The following PXDNL variants were observed in gnomAD, a reference collection of about 807,000 sequenced individuals.
The protein encoded by PXDNL is peroxidasin like, also known as probable oxidoreductase PXDNL.
PXDNL carries 145 observed loss-of-function variants against 150.8 expected under a neutral mutation model. The ratio of observed to expected loss-of-function variants is 0.96; its 90% CI spans 0.84 to 1.10. PXDNL has a LOEUF of 1.10. PXDNL is among the 50% of genes least tolerant of loss of function. The probability of loss-of-function intolerance (pLI) is 0.00; values close to 1 mark genes in which losing one functional copy is unlikely to be tolerated. For missense variants in PXDNL, 2,087 were observed against 1,873.9 expected (o/e 1.11, Z -2.10); for synonymous variants, 757 against 725.7 (o/e 1.04, Z -0.69).
intron 12 of PXDNL, among the ~76,000 whole-genome samples, chr8:51,446,200 G>A (rs1809668703): frequency 6.6e-6 from 1 of 152,202 alleles, no homozygotes. Flanking sequence ...GATGCATGCA[G>A]CAGAGCTTTG....
intron 17 of PXDNL, 79 bp downstream of exon 17, chr8:51,407,988 T>G: frequency 7.6e-7 from 1 of 1,310,444 alleles, no homozygotes; most frequent in South Asian, 1.5e-5. Flanking sequence ...GGAACCAAAT[T>G]CCAGCCACAC....
At position 51,806,914 on chromosome 8, in the gene PXDNL, T is replaced by C. The variant is rs1019984878; in HGVS notation, c.164+2267A>G. On this transcript the variant is annotated intron_variant, in intron 1 of 22. Coordinates refer to ENST00000356297, the MANE Select transcript of PXDNL (RefSeq NM_144651.5). ...GTAGTCTGCCTTTCATCTACCCCACTTCCCTCAAATTGTTTACTGGCAGGT... is the reference window on the plus strand; with the variant it reads ...GTAGTCTGCCTTTCATCTACCCCACCTCCCTCAAATTGTTTACTGGCAGGT... 2.6e-5 allele frequency among the ~76,000 whole-genome samples: 4 copies of C among 152,132 alleles called. No individual in the cohort carries two copies. In the East Asian group the frequency reaches 5.8e-4, roughly 22 times the overall value.
chr8:51,729,429 C>A (rs893506747), intron 1 of PXDNL, among the ~76,000 whole-genome samples: 2 of 151,528 alleles, frequency 1.3e-5, no homozygotes, highest in Admixed American at 1.3e-4. Flanking sequence ...TAGAAAGTTA[C>A]AAATTAAAAC....
intron 19 of PXDNL, among the ~76,000 whole-genome samples, chr8:51,370,059 G>A (rs774782827): frequency 5.9e-5 from 9 of 152,194 alleles, no homozygotes; most frequent in South Asian, 4.1e-4. Context: ...GGAAAGAGCC[G>A]AGGCCTTCAG....
At chr8:51,347,512 T>G (rs1806194432) in intron 19 of PXDNL, among the ~76,000 whole-genome samples, 2 of 152,242 alleles carry the variant, frequency 1.3e-5, no homozygotes, top group Admixed American at 6.5e-5. Flanking sequence ...TTGTTTTCTT[T>G]TTTATTTCTA....
chr8:51,719,925 T>C (rs189617376), intron 1 of PXDNL, among the ~76,000 whole-genome samples: 5 of 152,052 alleles, frequency 3.3e-5, no homozygotes, highest in Non-Finnish European at 7.4e-5. Context: ...AGAAGCCACA[T>C]GTAGAAAGCA....
At chr8:51,598,046 G>C (rs13260820) in intron 2 of PXDNL, among the ~76,000 whole-genome samples, 12,827 of 152,112 alleles carry the variant, frequency 0.084, 623 homozygotes, top group South Asian at 0.095. Flanking sequence ...CTATCAGCTT[G>C]AAGGTAATTT....
At chr8:51,744,778 GA>G (rs2036958636) in intron 1 of PXDNL, among the ~76,000 whole-genome samples, 1 of 133,296 alleles carries the variant, frequency 7.5e-6, no homozygotes. Flanking sequence ...AGGAGAGAAA[GA>G]AAAGAGAGAA....
intron 2 of PXDNL, among the ~76,000 whole-genome samples, chr8:51,622,543 A>G (rs757611256): frequency 6.6e-6 from 1 of 152,250 alleles, no homozygotes; most frequent in Non-Finnish European, 1.5e-5. Flanking sequence ...ACAATGCCTT[A>G]CACATTTTTA....
chr8:51,342,840 G>C (rs1325182272), intron 20 of PXDNL, among the ~76,000 whole-genome samples: 4 of 140,940 alleles, frequency 2.8e-5, no homozygotes, highest in African/African-American at 8.1e-5. Context: ...ACAGTATATA[G>C]AGCTGTTAAA....
intron 2 of PXDNL, among the ~76,000 whole-genome samples, chr8:51,629,824 T>C (rs1038563419): frequency 6.6e-6 from 1 of 152,038 alleles, no homozygotes; most frequent in African/African-American, 2.4e-5. Context: ...ATCTAGCAAA[T>C]GTATCCCTCG....
intron 19 of PXDNL, among the ~76,000 whole-genome samples, chr8:51,370,807 G>A (rs559692851): frequency 6.6e-6 from 1 of 152,340 alleles, no homozygotes; most frequent in South Asian, 2.1e-4. Flanking sequence ...ATGTTGGCCA[G>A]GCTGGTCTTG....
intron 4 of PXDNL, among the ~76,000 whole-genome samples, chr8:51,511,437 G>A (rs950163371): frequency 1.3e-5 from 2 of 152,230 alleles, no homozygotes; most frequent in South Asian, 2.1e-4. Flanking sequence ...TGATGGAGAA[G>A]TGACTCCCAG....
At chr8:51,804,329 G>A (rs778426384) in intron 1 of PXDNL, among the ~76,000 whole-genome samples, 6 of 152,154 alleles carry the variant, frequency 3.9e-5, no homozygotes, top group South Asian at 2.1e-4. Flanking sequence ...TGAGTAGAAC[G>A]GGAGGAAGGT....
At chr8:51,520,671 G>A (rs1287306038) in intron 4 of PXDNL, among the ~76,000 whole-genome samples, 1 of 151,992 alleles carries the variant, frequency 6.6e-6, no homozygotes, top group African/African-American at 2.4e-5. Context: ...CAGAAGAAAC[G>A]GGAGACTCTC....
At chr8:51,578,102 AAAAG>A (rs148531515) in intron 3 of PXDNL, among the ~76,000 whole-genome samples, 11,009 of 136,118 alleles carry the variant, frequency 0.081, 693 homozygotes, top group South Asian at 0.11. Flanking sequence ...GAAAGAAAGA[AAAAG>A]AAAGAAAGAA....
chr8:51,711,844 T>C (rs1816507962), intron 1 of PXDNL, among the ~76,000 whole-genome samples: 1 of 152,238 alleles, frequency 6.6e-6, no homozygotes, highest in African/African-American at 2.4e-5. Context: ...CCTTACCTTA[T>C]TCTCATTTTT....
intron 1 of PXDNL, among the ~76,000 whole-genome samples, chr8:51,744,067 AAGGAAGGAAGGAAGGAAG>A (rs1563307123): frequency 0.016 from 1,177 of 73,048 alleles, 133 homozygotes; most frequent in African/African-American, 0.053. Flanking sequence ...GGAAGGAAGG[AAGGAAGGAAGGAAGGAAG>A]GAAGGAAGGA....
chr8:51,791,563 ATT>A (rs1255126192), intron 1 of PXDNL, among the ~76,000 whole-genome samples: 1 of 152,204 alleles, frequency 6.6e-6, no homozygotes, highest in Non-Finnish European at 1.5e-5. Context: ...TGCTGCCTTA[ATT>A]CCATCTCGTT....
Sources: gnomAD v4.1 joint callset for allele counts (sites outside exome capture counted in the v4.1 genomes callset) on GRCh38, gnomAD v4.1.1 for gene constraint, MANE v1.5 for transcripts, NCBI Gene and HGNC (gene_info 2026-07-23, HGNC 2026-07-21) for gene names.